AP1B1: variants seen among roughly 807,000 people sequenced by gnomAD.
The protein encoded by AP1B1 is AP-1 complex subunit beta-1.
In AP1B1, 36 loss-of-function variants were observed where a neutral mutation model predicts 104.3. The ratio of observed to expected loss-of-function variants is 0.35; its 90% CI spans 0.26 to 0.46. AP1B1 has a LOEUF of 0.46. Ranked by LOEUF, AP1B1 falls within the 20% of genes least tolerant of loss-of-function variation. AP1B1 has a pLI of 1.00. For missense variants in AP1B1, 901 were observed against 1,247.9 expected (o/e 0.72, Z 4.19); for synonymous variants, 504 against 517.5 (o/e 0.97, Z 0.35).
intron 10 of AP1B1, among the ~76,000 whole-genome samples, chr22:29,349,753 C>T (rs553769866): frequency 6.6e-6 from 1 of 152,248 alleles, no homozygotes; most frequent in African/African-American, 2.4e-5. Flanking sequence ...TGATCTCAGG[C>T]AATCCACCCG....
chr22:29,371,706 C>T (rs931022828), intron 1 of AP1B1, among the ~76,000 whole-genome samples: 6 of 151,574 alleles, frequency 4.0e-5, no homozygotes, highest in African/African-American at 1.2e-4. Flanking sequence ...CTAGCTTGGG[C>T]GACAGAGTGA....
intron 15 of AP1B1, 140 bp downstream of exon 15, chr22:29,339,614 G>T: frequency 1.2e-6 from 1 of 866,976 alleles, no homozygotes; most frequent in Non-Finnish European, 1.8e-6. Context: ...GACAGAGGCT[G>T]CCAGGATGCT....
At chr22:29,342,497 G>T in intron 11 of AP1B1, 114 bp from the exon 12 acceptor site, 1 of 830,926 alleles carries the variant, frequency 1.2e-6, no homozygotes, top group Non-Finnish European at 1.9e-6. Flanking sequence ...GCCAAGCATA[G>T]CTATTCTAGG....
chr22:29,361,114 A>G (rs1306221103), intron 3 of AP1B1, among the ~76,000 whole-genome samples: 1 of 152,220 alleles, frequency 6.6e-6, no homozygotes. Context: ...CTCTGTGAGG[A>G]GGTGACAGTG....
rs1372012245 is a variant in AP1B1 at position 29,366,799 on chromosome 22, C to CA, written c.37+407dup. 7.7e-5 allele frequency among the ~76,000 whole-genome samples: 11 copies of CA among 143,388 alleles called. No homozygotes were observed. The South Asian group carries it at 1.1e-3, about 15-fold the overall frequency. 94.1% of individuals were successfully genotyped at this position (143,388 alleles called of 152,430 possible). ...GGGTGACATGAGTGAAACTCCGTCT[C>CA]AAAAAAAAAGAAAAACACGTGCCCT... On this transcript the variant is annotated intron_variant, in intron 2 of 22. Transcript: ENST00000357586.
At position 29,342,391 on chromosome 22, in the gene AP1B1, G is replaced by T; in HGVS notation, c.1438-8C>A. On this transcript the variant is annotated splice_region_variant and splice_polypyrimidine_tract_variant and intron_variant, in intron 11 of 22. Transcript: ENST00000357586. ...CAGCAGCTGCAGCTGGACCTGCAGGGAACAGCGGTGACGAGGAGGAAGTGT... is the reference window on the plus strand; with the variant it reads ...CAGCAGCTGCAGCTGGACCTGCAGGTAACAGCGGTGACGAGGAGGAAGTGT... The T allele has an allele frequency of 6.2e-7, 1 of 1,611,916 alleles. No homozygotes were observed. Among genetic ancestry groups the T allele is most frequent in the South Asian group, 1.1e-5 (1 of 90,988 alleles).
Position 29,354,880 on chromosome 22 carries a change from C to T in AP1B1, c.717-9G>A. On this transcript the variant is annotated splice_polypyrimidine_tract_variant and intron_variant, in intron 6 of 22. Transcript: ENST00000357586. ...TGACCCGCTCACAGATGCTGGGGTC[C>T]GTCCATTCCAACGGGGCAAACAGGA... 6 of 1,611,264 alleles carry T rather than the reference C, an allele frequency of 3.7e-6. No homozygotes were observed. The highest frequency in any genetic ancestry group is 5.1e-6 in the Non-Finnish European group (6 of 1,177,598).
At chr22:29,362,069 G>A (rs2062056421) in intron 3 of AP1B1, among the ~76,000 whole-genome samples, 1 of 152,116 alleles carries the variant, frequency 6.6e-6, no homozygotes, top group Non-Finnish European at 1.5e-5. Context: ...TAGGATTACA[G>A]GTGTGAGCCA....
At position 29,354,733 on chromosome 22, in the gene AP1B1, G is replaced by T. The variant is rs774354471; in HGVS notation, c.855C>A (p.Ala285=). 3 of 1,613,884 alleles carry T rather than the reference G, an allele frequency of 1.9e-6. No individual in the cohort carries two copies. The highest frequency in any genetic ancestry group is 2.7e-5 in the African/African-American group (2 of 74,846). Residue 285 remains alanine, a synonymous_variant, in exon 7 of 23, where the codon GCC becomes GCA. Coordinates refer to ENST00000357586, the MANE Select transcript of AP1B1 (RefSeq NM_001127.4). ...CTGACAGCAGTGTGACCAGGGGTGG[G>T]GCCAGCTTCTTGAGCAGTGTGCCGT... ...DYYGTLLKKL[A]PPLVTLLSAE... is the part of the protein sequence containing the mutation.
At chr22:29,381,751 C>A (rs2062440156) in intron 1 of AP1B1, among the ~76,000 whole-genome samples, 3 of 152,104 alleles carry the variant, frequency 2.0e-5, no homozygotes. Flanking sequence ...CTCTCACCTG[C>A]TCCCATAGGT....
chr22:29,371,276 A>G (rs1181200488), intron 1 of AP1B1, among the ~76,000 whole-genome samples: 1 of 152,198 alleles, frequency 6.6e-6, no homozygotes, highest in Non-Finnish European at 1.5e-5. Flanking sequence ...CCTACAGTTC[A>G]GTCCTAACGG....
intron 1 of AP1B1, among the ~76,000 whole-genome samples, chr22:29,384,426 T>C (rs1436989902): frequency 2.0e-5 from 3 of 152,168 alleles, no homozygotes; most frequent in Non-Finnish European, 4.4e-5. Context: ...AGAAAGTGCT[T>C]TGAACCCCTT....
chr22:29,353,582 G>C (rs1281167147), intron 7 of AP1B1, among the ~76,000 whole-genome samples: 1 of 152,190 alleles, frequency 6.6e-6, no homozygotes, highest in Non-Finnish European at 1.5e-5. Flanking sequence ...TCATCCCTTG[G>C]TTTAGGAACT....
At position 29,340,836 on chromosome 22, in the gene AP1B1, A is replaced by C; in HGVS notation, c.1818T>G (p.Pro606=). 1 of 1,597,100 alleles carries C rather than the reference A, an allele frequency of 6.3e-7. No homozygotes were observed. Among genetic ancestry groups the C allele is most frequent in the Non-Finnish European group, 8.5e-7 (1 of 1,173,674 alleles). ...GAGGTGCTCCAGTAGGGGCTGTCTC[A>C]GGGCTCTCTGCGCTCTCACTCCTGC... ...RTASSESAES[P]ETAPTGAPPG... Residue 606 remains proline, a synonymous_variant, in exon 14 of 23, where the codon CCT becomes CCG. Coordinates refer to ENST00000357586, the MANE Select transcript of AP1B1 (RefSeq NM_001127.4).
intron 19 of AP1B1, 69 bp from the exon 20 acceptor site, chr22:29,330,778 C>A: frequency 7.3e-7 from 1 of 1,373,866 alleles, no homozygotes; most frequent in Non-Finnish European, 1.0e-6. Flanking sequence ...TGTAGCTCAG[C>A]AGGAAATGGG....
intron 5 of AP1B1, 62 bp downstream of exon 5, chr22:29,358,664 C>T: frequency 6.4e-7 from 1 of 1,568,140 alleles, no homozygotes; most frequent in South Asian, 1.2e-5. Flanking sequence ...AGAGTCAAGC[C>T]AATGTCTTCC....
chr22:29,356,364 TTGGAGC>T, intron 6 of AP1B1, 56 bp downstream of exon 6: 1 of 1,519,348 alleles, frequency 6.6e-7, no homozygotes, highest in Non-Finnish European at 8.9e-7. Context: ...CAGTGCCTGG[TTGGAGC>T]CCCTGAGGAC....
At chr22:29,329,805 C>T in intron 21 of AP1B1, 85 bp from the exon 22 acceptor site, 3 of 1,593,182 alleles carry the variant, frequency 1.9e-6, no homozygotes, top group South Asian at 2.3e-5. Context: ...AGCCACGCCA[C>T]AGCCCCCCAC....
intron 12 of AP1B1, 77 bp from the exon 13 acceptor site, chr22:29,341,837 G>A (rs925221307): frequency 8.0e-6 from 12 of 1,501,534 alleles, no homozygotes; most frequent in Non-Finnish European, 9.8e-6. Context: ...GCAGCCATGA[G>A]CCAGGTGCGG....
Sources: allele counts gnomAD v4.1 joint callset (sites outside exome capture counted in the v4.1 genomes callset), GRCh38; gene constraint gnomAD v4.1.1; transcripts MANE v1.5; gene names NCBI Gene and HGNC (gene_info 2026-07-23, HGNC 2026-07-21).